The following MFSD1 variants were observed in gnomAD, a reference collection of about 807,000 sequenced individuals.
The protein encoded by MFSD1 is lysosomal dipeptide transporter MFSD1.
A neutral mutation model predicts 67.1 loss-of-function variants in MFSD1; 59 were observed. The ratio of observed to expected loss-of-function variants is 0.88; its 90% confidence interval spans 0.71 to 1.09. The LOEUF is 1.09. MFSD1 is among the 50% of genes least tolerant of loss of function. The probability of loss-of-function intolerance (pLI) is 0.00; values close to 1 mark genes in which losing one functional copy is unlikely to be tolerated. For missense variants in MFSD1, 552 were observed against 566.1 expected (o/e 0.97, Z 0.25); for synonymous variants, 213 against 200.3 (o/e 1.06, Z -0.54).
intron 7 of MFSD1, among the ~76,000 whole-genome samples, chr3:158,814,541 G>A (rs1246223342): frequency 4.6e-5 from 7 of 151,850 alleles, no homozygotes; most frequent in African/African-American, 1.7e-4. Context: ...GGCTGGTCTC[G>A]AACTCCTGAC....
In MFSD1 at chr3:158,829,638, T is replaced by C. The variant is rs1330257869; in HGVS notation, c.*656T>C. On this transcript the variant is annotated 3_prime_UTR_variant, in exon 16 of 16. Coordinates refer to ENST00000415822, the MANE Select transcript of MFSD1 (RefSeq NM_022736.4). ...TAAACTTTCTGTACAGTTTTTCTTATAGTCTAATAAGTAAAAAGTGTCCTT... is the reference window on the plus strand; with the variant it reads ...TAAACTTTCTGTACAGTTTTTCTTACAGTCTAATAAGTAAAAAGTGTCCTT... The C allele has an allele frequency of 3.3e-5, 5 of 152,376 alleles. No homozygotes were observed. Among genetic ancestry groups the C allele is most frequent in the South Asian group, 2.1e-4 (1 of 4,834 alleles). The allele number at this position is 152,376 out of a possible 1,614,324, so 9.4% of individuals were successfully genotyped here.
At chr3:158,827,180 C>T (rs1731016097) in intron 14 of MFSD1, 100 bp from the exon 15 acceptor site, 4 of 660,434 alleles carry the variant, frequency 6.1e-6, no homozygotes, top group Admixed American at 3.1e-5. Context: ...ACTTAAAATA[C>T]AGTGTATCTA....
Position 158,821,977 on chromosome 3 carries a change from T to C in MFSD1, c.921-7T>C, listed in dbSNP as rs764569262. On this transcript the variant is annotated splice_region_variant and splice_polypyrimidine_tract_variant and intron_variant, in intron 10 of 15. Transcript: ENST00000415822. ...TTCATGAAATGTCTTATGTGTTCTC[T>C]GGGCAGTGTTGTATATGTCATATCA... 1.6e-5 allele frequency: 25 copies of C among 1,609,186 alleles called. No individual in the cohort carries two copies. The highest frequency in any genetic ancestry group is 2.2e-5 in the South Asian group (2 of 90,854).
chr3:158,829,015 T>C lies in MFSD1; in HGVS notation c.*33T>C. ...AAATGAATGTGTCATGAGAATGGGC[T>C]TAACACATCGTTGGTTTGAAAACTT... On this transcript the variant is annotated 3_prime_UTR_variant, in exon 16 of 16. Coordinates refer to ENST00000415822, the MANE Select transcript of MFSD1 (RefSeq NM_022736.4). The C allele has an allele frequency of 6.3e-7, 1 of 1,589,386 alleles. No homozygotes were observed. The highest frequency in any genetic ancestry group is 8.6e-7 in the Non-Finnish European group (1 of 1,168,910).
chr3:158,803,289 T>G (rs9861042), intron 1 of MFSD1, among the ~76,000 whole-genome samples: 50,362 of 151,980 alleles, frequency 0.33, 8,608 homozygotes, highest in African/African-American at 0.41. Context: ...GGATAACTAT[T>G]CTAGCGCTGA....
At position 158,822,032 on chromosome 3, in the gene MFSD1, G is replaced by C. The variant is rs373779084; in HGVS notation, c.969G>C (p.Leu323=). 3 of 1,613,868 alleles carry C rather than the reference G, an allele frequency of 1.9e-6. No homozygotes were observed. Among genetic ancestry groups the C allele is most frequent in the Non-Finnish European group, 1.7e-6 (2 of 1,179,842 alleles). ...SAPMSPVFGL[L]VDKTGKNIIW... is the part of the protein sequence containing the mutation. ...CCATGTCCCCGGTGTTTGGGCTCCT[G>C]GTGGATAAAACAGGGAAGAACATCA... is the stretch of plus-strand genomic sequence containing the variant. The change falls in exon 11 of 16, where the codon CTG becomes CTC. Residue 323 remains leucine (L), a synonymous_variant. Coordinates refer to ENST00000415822, the MANE Select transcript of MFSD1 (RefSeq NM_022736.4).
At chr3:158,813,155 T>C (rs1484934831) in intron 6 of MFSD1, among the ~76,000 whole-genome samples, 2 of 151,318 alleles carry the variant, frequency 1.3e-5, no homozygotes, top group African/African-American at 2.4e-5. Context: ...CTTTCTTCTT[T>C]TTTTTTTTTT....
At chr3:158,826,754 A>G (rs537818738) in intron 14 of MFSD1, among the ~76,000 whole-genome samples, 2 of 151,426 alleles carry the variant, frequency 1.3e-5, no homozygotes, top group East Asian at 3.9e-4. Flanking sequence ...TGCAGCCTCA[A>G]CCTCCCAGGA....
At position 158,821,802 on chromosome 3, in the gene MFSD1, C is replaced by T; in HGVS notation, c.920+149C>T. The T allele has an allele frequency of 9.5e-6, 9 of 946,116 alleles. No homozygotes were observed. In the East Asian group the frequency reaches 2.0e-4, roughly 21 times the overall value. 58.6% of individuals were successfully genotyped at this position (946,116 alleles called of 1,614,324 possible). On this transcript the variant is annotated intron_variant, in intron 10 of 15. Transcript: ENST00000415822. ...ACATTGGGACTTGAATCCTGAGTGG[C>T]TGTGTTTAAATTAGTGGAAAACCAA... is the stretch of plus-strand genomic sequence containing the variant.
intron 11 of MFSD1, 119 bp downstream of exon 11, chr3:158,822,259 C>T (rs550485459): frequency 2.8e-6 from 2 of 720,352 alleles, no homozygotes; most frequent in South Asian, 7.6e-5. Flanking sequence ...GGGGAGATGA[C>T]AACTTGATTC....
chr3:158,807,607 GTT>G lies in MFSD1; in HGVS notation c.440+145_440+146del, dbSNP rs927936090. On this transcript the variant is annotated intron_variant, in intron 5 of 15. Transcript: ENST00000415822. ...TTCATATGCATAAGAGTATTTCTTAGTTGTCTTAGTTTTCCTTTAAAATAAGC... is the reference window on the plus strand; with the variant it reads ...TTCATATGCATAAGAGTATTTCTTAGGTCTTAGTTTTCCTTTAAAATAAGC... The G allele has an allele frequency of 4.6e-6, 3 of 651,158 alleles. No homozygotes were observed. The African/African-American group carries it at 5.5e-5, about 12-fold the overall frequency. 40.3% of individuals were successfully genotyped at this position (651,158 alleles called of 1,614,324 possible). A position where few individuals can be genotyped will look rare whatever the true frequency, so the allele number is the denominator to read the frequency against.
At chr3:158,808,732 T>G (rs1006309932) in intron 5 of MFSD1, among the ~76,000 whole-genome samples, 2 of 152,140 alleles carry the variant, frequency 1.3e-5, no homozygotes, top group Non-Finnish European at 2.9e-5. Context: ...ACAGCTTGTC[T>G]TTGCCTCTAG....
chr3:158,807,577 C>A, intron 5 of MFSD1, 114 bp downstream of exon 5: 1 of 845,662 alleles, frequency 1.2e-6, no homozygotes, highest in Non-Finnish European at 1.9e-6. Flanking sequence ...TCTTTGAAAC[C>A]TAGCTTCATA....
At chr3:158,814,108 G>A in intron 7 of MFSD1, 41 bp downstream of exon 7, 1 of 1,478,272 alleles carries the variant, frequency 6.8e-7, no homozygotes, top group Non-Finnish European at 9.4e-7. Context: ...TCTTCTGAAG[G>A]CTTGTCATAG....
rs770713227 is a variant in MFSD1 at position 158,826,068 on chromosome 3, TAG to T, written c.1336+8_1336+9del. 5.0e-5 allele frequency: 81 copies of T among 1,612,622 alleles called. No homozygotes were observed. Among genetic ancestry groups the T allele is most frequent in the Admixed American group, 1.7e-5 (1 of 59,958 alleles). On this transcript the variant is annotated splice_region_variant and intron_variant, in intron 14 of 15. Coordinates refer to ENST00000415822, the MANE Select transcript of MFSD1 (RefSeq NM_022736.4). Reference sequence around the variant, plus strand: ...TTTGGTGAATCGTGCCCAGGGTAAGTAGAAGATCTGATATTTGCTTCTTAAAC... The same window carrying T: ...TTTGGTGAATCGTGCCCAGGGTAAGTAAGATCTGATATTTGCTTCTTAAAC...
Position 158,815,656 on chromosome 3 carries a change from AATT to A in MFSD1, c.652+1601_652+1603del, listed in dbSNP as rs777043622. Among the ~76,000 whole-genome samples, 6 of 149,994 alleles carry A rather than the reference AATT, an allele frequency of 4.0e-5. No homozygotes were observed. The East Asian group carries it at 1.2e-3, about 29-fold the overall frequency. ...GTAGACTTTTTTTTTTCTTTTTTTA[AATT>A]ATTATTATTATACTTTAAGTTTTAG... On this transcript the variant is annotated intron_variant, in intron 7 of 15. Transcript: ENST00000415822.
intron 8 of MFSD1, 56 bp from the exon 9 acceptor site, chr3:158,820,159 A>T: frequency 1.1e-6 from 1 of 886,418 alleles, no homozygotes; most frequent in Non-Finnish European, 1.8e-6. Flanking sequence ...ACTATAGATG[A>T]AAGCTCCTTA....
At position 158,807,048 on chromosome 3, in the gene MFSD1, C is replaced by T; in HGVS notation, c.338C>T (p.Thr113Ile). The part of the protein sequence containing the change: ...IDRVFGIRWG[T>I]IIFSCFVCIG... ...CTTTCTTTCCCAAACAGATGGGGCACAATCATTTTTAGCTGCTTTGTTTGC... is the reference window on the plus strand; with the variant it reads ...CTTTCTTTCCCAAACAGATGGGGCATAATCATTTTTAGCTGCTTTGTTTGC... The change falls in exon 4 of 16, where the codon ACA becomes ATA. Residue 113 changes from threonine to isoleucine, a missense_variant. Coordinates refer to ENST00000415822, the MANE Select transcript of MFSD1 (RefSeq NM_022736.4). The T allele has an allele frequency of 6.2e-7, 1 of 1,610,544 alleles. No individual in the cohort carries two copies. The highest frequency in any genetic ancestry group is 8.5e-7 in the Non-Finnish European group (1 of 1,178,380).
intron 3 of MFSD1, among the ~76,000 whole-genome samples, chr3:158,805,934 G>C (rs1047306525): frequency 3.3e-5 from 5 of 152,060 alleles, no homozygotes; most frequent in African/African-American, 2.4e-5. Context: ...CTCCAGCCCC[G>C]GTGAGATTTT....
Sources: gnomAD v4.1 joint callset for allele counts (sites outside exome capture counted in the v4.1 genomes callset) on GRCh38, gnomAD v4.1.1 for gene constraint, MANE v1.5 for transcripts, NCBI Gene and HGNC (gene_info 2026-07-23, HGNC 2026-07-21) for gene names.